Variants in CDH4 observed in about 807,000 individuals in gnomAD.
The protein encoded by CDH4 is cadherin-4.
Under a neutral mutation model 86.0 loss-of-function variants are expected in CDH4, and 33 were observed. The observed-to-expected ratio is 0.38, with a 90% CI of 0.29 to 0.51. The LOEUF is 0.51. CDH4 is among the 20% of genes least tolerant of loss of function. The probability of loss-of-function intolerance (pLI) is 0.86; values close to 1 mark genes in which losing one functional copy is unlikely to be tolerated. For missense variants in CDH4, 1,114 were observed against 1,307.4 expected (o/e 0.85, Z 2.28); for synonymous variants, 555 against 549.4 (o/e 1.01, Z -0.14).
chr20:61,276,332 T>C (rs2084232019), intron 2 of CDH4, among the ~76,000 whole-genome samples: 1 of 152,246 alleles, frequency 6.6e-6, no homozygotes, highest in Admixed American at 6.5e-5. Context: ...CCAGGGGTTT[T>C]ATAGCAATGT....
At chr20:61,276,796 T>A (rs1398148275) in intron 2 of CDH4, among the ~76,000 whole-genome samples, 1 of 152,222 alleles carries the variant, frequency 6.6e-6, no homozygotes, top group Non-Finnish European at 1.5e-5. Context: ...AGCAAGATGC[T>A]GCACTTTTCA....
At chr20:61,538,968 C>T (rs1415501629) in intron 2 of CDH4, among the ~76,000 whole-genome samples, 1 of 152,220 alleles carries the variant, frequency 6.6e-6, no homozygotes, top group Non-Finnish European at 1.5e-5. Context: ...TGGCTTGGGC[C>T]TGGGTTGTGG....
intron 8 of CDH4, among the ~76,000 whole-genome samples, chr20:61,895,867 C>T (rs777151977): frequency 6.6e-6 from 1 of 152,208 alleles, no homozygotes; most frequent in Non-Finnish European, 1.5e-5. Context: ...TTTTGGGCCC[C>T]GTGTGGCAGT....
At chr20:61,712,011 C>T (rs2087898864) in intron 2 of CDH4, among the ~76,000 whole-genome samples, 1 of 152,078 alleles carries the variant, frequency 6.6e-6, no homozygotes, top group Non-Finnish European at 1.5e-5. Context: ...CAGGAGGGGT[C>T]CCCAGGGGGT....
chr20:61,783,312 C>A (rs1357111767), intron 4 of CDH4, among the ~76,000 whole-genome samples: 1 of 152,222 alleles, frequency 6.6e-6, no homozygotes, highest in African/African-American at 2.4e-5. Context: ...TCTCCAAAGG[C>A]ACATTCTATA....
intron 2 of CDH4, among the ~76,000 whole-genome samples, chr20:61,542,297 A>G (rs1344829884): frequency 1.3e-5 from 2 of 152,160 alleles, no homozygotes; most frequent in Non-Finnish European, 2.9e-5. Flanking sequence ...TCTAAAGTGG[A>G]TTCCTGGACT....
intron 9 of CDH4, 109 bp from the exon 10 acceptor site, chr20:61,923,342 C>T (rs1235499329): frequency 9.3e-7 from 1 of 1,073,408 alleles, no homozygotes. Flanking sequence ...CAGAGAAGAG[C>T]TGGACATGGC....
At chr20:61,820,203 A>G (rs1251716408) in intron 4 of CDH4, among the ~76,000 whole-genome samples, 1 of 152,140 alleles carries the variant, frequency 6.6e-6, no homozygotes, top group African/African-American at 2.4e-5. Flanking sequence ...CACAGCAACC[A>G]GCGGCTCTCA....
At chr20:61,525,439 C>G (rs2085902852) in intron 2 of CDH4, among the ~76,000 whole-genome samples, 2 of 152,170 alleles carry the variant, frequency 1.3e-5, no homozygotes, top group Admixed American at 1.3e-4. Flanking sequence ...GCAGGCCCCT[C>G]CCAGGATACT....
At chr20:61,675,865 T>G (rs933788485) in intron 2 of CDH4, among the ~76,000 whole-genome samples, 1 of 152,238 alleles carries the variant, frequency 6.6e-6, no homozygotes, top group African/African-American at 2.4e-5. Flanking sequence ...CTCCCGTGCT[T>G]TCAGAGTTTG....
At chr20:61,673,370 C>G (rs1313918960) in intron 2 of CDH4, among the ~76,000 whole-genome samples, 4 of 152,198 alleles carry the variant, frequency 2.6e-5, no homozygotes, top group Admixed American at 2.6e-4. Context: ...CCGGGGCAAT[C>G]TTTTTGTGCC....
At position 61,681,553 on chromosome 20, in the gene CDH4, A is replaced by T. The variant is rs1467539104; in HGVS notation, c.170-62010A>T. 3.9e-5 allele frequency among the ~76,000 whole-genome samples: 6 copies of T among 152,044 alleles called. No homozygotes were observed. Among genetic ancestry groups the T allele is most frequent in the African/African-American group, 1.4e-4 (6 of 41,384 alleles). ...TTTTAAGGAATCTGTTAGCTCCCGAACTCTTGTTCCAAGGGGTAGGAGAAA... is the reference window on the plus strand; with the variant it reads ...TTTTAAGGAATCTGTTAGCTCCCGATCTCTTGTTCCAAGGGGTAGGAGAAA... On this transcript the variant is annotated intron_variant, in intron 2 of 15. Coordinates refer to ENST00000614565, the MANE Select transcript of CDH4 (RefSeq NM_001794.5). This position sits in a 1 kb window ranked among gnomAD's most constrained non-coding sequence, Gnocchi z 4.5.
At chr20:61,892,178 TG>T (rs1488289693) in intron 7 of CDH4, among the ~76,000 whole-genome samples, 2 of 152,216 alleles carry the variant, frequency 1.3e-5, no homozygotes, top group African/African-American at 2.4e-5. Flanking sequence ...ATGTATAAGT[TG>T]GATCCTGTGA....
chr20:61,585,472 T>G (rs2086461759), intron 2 of CDH4, among the ~76,000 whole-genome samples: 1 of 152,274 alleles, frequency 6.6e-6, no homozygotes, highest in Non-Finnish European at 1.5e-5. Context: ...GCCTATTATT[T>G]TGTGCCATTT....
In CDH4 at chr20:61,738,058, C is replaced by A. The variant is rs560636741; in HGVS notation, c.170-5505C>A. 6.9e-4 allele frequency among the ~76,000 whole-genome samples: 105 copies of A among 152,306 alleles called. 3 individuals carry two copies. The South Asian group carries it at 0.021, about 30-fold the overall frequency. ...GTGTGAGGACAGCAGGTGTTCCCCTCCCCACCCTCTGGGGCCCACCTCCTT... is the reference window on the plus strand; with the variant it reads ...GTGTGAGGACAGCAGGTGTTCCCCTACCCACCCTCTGGGGCCCACCTCCTT... On this transcript the variant is annotated intron_variant, in intron 2 of 15. Transcript: ENST00000614565.
At chr20:61,639,029 C>G (rs115621107) in intron 2 of CDH4, among the ~76,000 whole-genome samples, 2,494 of 152,330 alleles carry the variant, frequency 0.016, 65 homozygotes, top group African/African-American at 0.056. Flanking sequence ...AAATGTCAGT[C>G]CCTGTTATTA....
At chr20:61,589,340 G>A (rs1190101908) in intron 2 of CDH4, among the ~76,000 whole-genome samples, 1 of 152,194 alleles carries the variant, frequency 6.6e-6, no homozygotes, top group Non-Finnish European at 1.5e-5. Flanking sequence ...ACTTAAGACA[G>A]ACAGAAATTA....
intron 2 of CDH4, among the ~76,000 whole-genome samples, chr20:61,442,863 C>T (rs1488713824): frequency 6.6e-6 from 1 of 152,264 alleles, no homozygotes; most frequent in Non-Finnish European, 1.5e-5. Context: ...GGCCTTGGCA[C>T]TGTTGGCCTC....
At chr20:61,306,840 C>T (rs1212173259) in intron 2 of CDH4, among the ~76,000 whole-genome samples, 1 of 152,144 alleles carries the variant, frequency 6.6e-6, no homozygotes. Context: ...TGCCTGATTT[C>T]GAACTTTGTG....
Sources: gnomAD v4.1 joint callset for allele counts (sites outside exome capture counted in the v4.1 genomes callset) on GRCh38, gnomAD v4.1.1 for gene constraint, Gnocchi (gnomAD v3.1) non-coding constraint, MANE v1.5 for transcripts, NCBI Gene and HGNC (gene_info 2026-07-23, HGNC 2026-07-21) for gene names.